The following FHIT variants were observed in gnomAD, a reference collection of about 807,000 sequenced individuals.
FHIT encodes bis(5'-adenosyl)-triphosphatase.
A neutral mutation model predicts 17.9 loss-of-function variants in FHIT; 19 were observed. The observed-to-expected ratio is 1.06, with a 90% confidence interval of 0.74 to 1.56. The LOEUF (loss-of-function observed/expected upper bound fraction) is 1.56, where lower values mean the gene tolerates loss of function less well. Among genes scored for constraint, FHIT ranks in the 40% most tolerant of loss-of-function variants. The pLI is 0.00. For missense variants in FHIT, 248 were observed against 189.2 expected (o/e 1.31, Z -1.82); for synonymous variants, 81 against 69.7 (o/e 1.16, Z -0.81).
At chr3:59,867,346 A>G (rs1702701492) in intron 8 of FHIT, among the ~76,000 whole-genome samples, 2 of 151,510 alleles carry the variant, frequency 1.3e-5, no homozygotes, top group Admixed American at 1.3e-4. Flanking sequence ...AGATCAAAAC[A>G]TAATAACCAC....
chr3:60,310,668 T>G (rs1324982684), intron 5 of FHIT, among the ~76,000 whole-genome samples: 1 of 152,054 alleles, frequency 6.6e-6, no homozygotes, highest in African/African-American at 2.4e-5. Flanking sequence ...AAAAGCACTC[T>G]ACGTATTCCT....
chr3:61,129,175 T>A (rs761924996), intron 2 of FHIT, among the ~76,000 whole-genome samples: 1 of 152,218 alleles, frequency 6.6e-6, no homozygotes, highest in Non-Finnish European at 1.5e-5. Context: ...TACTTTGTAT[T>A]TTCTAGAAAT....
At chr3:60,155,605 G>A (rs1477255294) in intron 5 of FHIT, among the ~76,000 whole-genome samples, 1 of 152,180 alleles carries the variant, frequency 6.6e-6, no homozygotes, top group Non-Finnish European at 1.5e-5. Context: ...AGGGTCAGAA[G>A]CAAGGCTGGG....
At chr3:59,760,290 A>C (rs1341594927) in intron 8 of FHIT, among the ~76,000 whole-genome samples, 1 of 152,180 alleles carries the variant, frequency 6.6e-6, no homozygotes, top group Non-Finnish European at 1.5e-5. Context: ...AGTAAGTATT[A>C]ACTAGAAAAT....
At chr3:61,034,050 C>T (rs2033129988) in intron 3 of FHIT, among the ~76,000 whole-genome samples, 1 of 152,154 alleles carries the variant, frequency 6.6e-6, no homozygotes, top group Admixed American at 6.5e-5. Flanking sequence ...GCTGGAACAA[C>T]TGAATAACCA....
intron 4 of FHIT, among the ~76,000 whole-genome samples, chr3:60,650,748 C>T (rs541089069): frequency 5.9e-5 from 9 of 152,248 alleles, no homozygotes; most frequent in South Asian, 4.2e-4. Flanking sequence ...CATTTGGTGA[C>T]GTTTTTAAGA....
intron 5 of FHIT, among the ~76,000 whole-genome samples, chr3:60,475,827 T>C (rs1321448223): frequency 1.3e-5 from 2 of 152,178 alleles, no homozygotes; most frequent in Admixed American, 6.5e-5. Context: ...ATAATCAAAA[T>C]GCAGTTGCAT....
intron 4 of FHIT, among the ~76,000 whole-genome samples, chr3:60,559,472 C>G (rs756724079): frequency 5.3e-5 from 8 of 152,126 alleles, no homozygotes; most frequent in African/African-American, 1.7e-4. Context: ...TCCCCTCTTG[C>G]CTTGATGCAC....
At chr3:60,259,876 G>T (rs1033006208) in intron 5 of FHIT, among the ~76,000 whole-genome samples, 1 of 152,164 alleles carries the variant, frequency 6.6e-6, no homozygotes, top group African/African-American at 2.4e-5. Flanking sequence ...AACTCAGGGA[G>T]TGTGAACTTC....
intron 4 of FHIT, among the ~76,000 whole-genome samples, chr3:60,747,263 G>A (rs1305746015): frequency 2.0e-5 from 3 of 152,092 alleles, no homozygotes; most frequent in Admixed American, 6.5e-5. Context: ...CCTCGGATCT[G>A]TTTAGACATA....
chr3:59,832,095 G>T (rs544551044), intron 8 of FHIT, among the ~76,000 whole-genome samples: 41 of 152,258 alleles, frequency 2.7e-4, no homozygotes, highest in African/African-American at 9.6e-4. Context: ...ACTGTAGGGA[G>T]TTCATGCTGT....
chr3:60,252,399 T>TAAA (rs1365552490), intron 5 of FHIT, among the ~76,000 whole-genome samples: 1 of 151,724 alleles, frequency 6.6e-6, no homozygotes, highest in Non-Finnish European at 1.5e-5. Context: ...TTTAAAAATT[T>TAAA]AAAAAATTTA....
chr3:60,034,570 T>C (rs1701136381), intron 5 of FHIT, among the ~76,000 whole-genome samples: 1 of 152,238 alleles, frequency 6.6e-6, no homozygotes, highest in South Asian at 2.1e-4. Context: ...TGTTTCAGAA[T>C]ATAAATCCAG....
chr3:60,636,583 G>A (rs2039591276), intron 4 of FHIT, among the ~76,000 whole-genome samples: 1 of 152,142 alleles, frequency 6.6e-6, no homozygotes, highest in African/African-American at 2.4e-5. Context: ...GCAAAATGCT[G>A]AAAATTTTGT....
intron 8 of FHIT, among the ~76,000 whole-genome samples, chr3:59,808,103 T>A (rs993907679): frequency 9.9e-5 from 15 of 152,058 alleles, no homozygotes; most frequent in African/African-American, 2.9e-4. Context: ...ACCCCCCCAG[T>A]CCCTGGCAAC....
At chr3:60,916,419 C>A (rs992467262) in intron 3 of FHIT, among the ~76,000 whole-genome samples, 8 of 152,082 alleles carry the variant, frequency 5.3e-5, no homozygotes, top group African/African-American at 1.7e-4. Flanking sequence ...CCAAAACAAC[C>A]AAAAGTTCAT....
At chr3:60,850,323 TTCTCTCTC>T (rs3046704) in intron 3 of FHIT, among the ~76,000 whole-genome samples, 6,153 of 120,078 alleles carry the variant, frequency 0.051, 363 homozygotes, top group African/African-American at 0.15. Context: ...GTGTCTGCAC[TTCTCTCTC>T]TCTCTCTCTC....
intron 3 of FHIT, among the ~76,000 whole-genome samples, chr3:60,872,138 T>C (rs1704443675): frequency 6.6e-6 from 1 of 152,144 alleles, no homozygotes. Flanking sequence ...GACACACTCC[T>C]GAATGGGACT....
At position 61,031,788 on chromosome 3, in the gene FHIT, T is replaced by C. The variant is rs79596353; in HGVS notation, c.-111+10259A>G. On this transcript the variant is annotated intron_variant, in intron 3 of 9. Transcript: ENST00000492590. ...TAAGACAGCCACATGGAAGTTATAC[T>C]GAACAGGCAACCCTAAAATGACTGA... 5.1e-4 allele frequency among the ~76,000 whole-genome samples: 77 copies of C among 152,304 alleles called. No homozygotes were observed. The East Asian group carries it at 0.013, about 26-fold the overall frequency.
Sources: gnomAD v4.1 joint callset for allele counts (sites outside exome capture counted in the v4.1 genomes callset) on GRCh38, gnomAD v4.1.1 for gene constraint, MANE v1.5 for transcripts, NCBI Gene and HGNC (gene_info 2026-07-23, HGNC 2026-07-21) for gene names.